ATAD3B: variants seen among roughly 807,000 people sequenced by gnomAD.
The protein encoded by ATAD3B is ATPase family AAA domain containing 3B.
ATAD3B carries 59 observed loss-of-function variants against 70.2 expected under a neutral mutation model. The ratio of observed to expected loss-of-function variants is 0.84; its 90% confidence interval spans 0.68 to 1.04. The LOEUF is 1.04. Among genes scored for constraint, ATAD3B ranks in the 50% least tolerant of loss-of-function variants. ATAD3B has a pLI of 0.00. For synonymous variants in ATAD3B, 423 were observed against 388.6 expected, an observed-to-expected ratio of 1.09 and a Z score of -1.04; for missense variants, 961 against 913.4, an observed-to-expected ratio of 1.05 and a Z score of -0.67.
intron 15 of ATAD3B, among the ~76,000 whole-genome samples, chr1:1,492,561 C>G (rs1007098508): frequency 6.6e-6 from 1 of 151,082 alleles, no homozygotes; most frequent in Admixed American, 6.6e-5. Context: ...TTTGGGAGGC[C>G]GAGGTGTTGG....
downstream of ATAD3B, among the ~76,000 whole-genome samples, chr1:1,499,053 G>C (rs1232882126): frequency 2.7e-5 from 4 of 150,526 alleles, no homozygotes; most frequent in African/African-American, 9.8e-5. Context: ...CTCACTGCAA[G>C]CTCCACCTCC....
downstream of ATAD3B, among the ~76,000 whole-genome samples, chr1:1,499,024 T>G (rs887660984): frequency 3.8e-4 from 57 of 150,188 alleles, no homozygotes; most frequent in Admixed American, 1.7e-3. Context: ...TAGGCTGGAG[T>G]GCAGTGGCGC....
chr1:1,478,718 G>A lies in ATAD3B; in HGVS notation c.357G>A (p.Leu119=). ...RAQAEERRKT[L]SEETRQHQAR... Reference sequence around the variant, plus strand: ...AGGCTGAGGAGAGGAGGAAGACCCTGAGCGAGGAGACCCGGCAGCACCAGG... The same window carrying A: ...AGGCTGAGGAGAGGAGGAAGACCCTAAGCGAGGAGACCCGGCAGCACCAGG... Residue 119 remains leucine (L), a synonymous_variant, in exon 3 of 16, where the codon CTG becomes CTA. Transcript: ENST00000673477. The A allele has an allele frequency of 6.5e-7, 1 of 1,529,876 alleles. No individual in the cohort carries two copies. Among genetic ancestry groups the A allele is most frequent in the Non-Finnish European group, 8.8e-7 (1 of 1,136,382 alleles). The allele number at this position is 1,529,876 out of a possible 1,614,324, so 94.8% of individuals were successfully genotyped here.
the ATAD3B span, chr1:1,509,315 G>A: frequency 8.1e-6 from 13 of 1,612,426 alleles, no homozygotes; most frequent in African/African-American, 1.3e-5. Flanking sequence ...TGAAGAGGGG[G>A]AGGCCTGGGC....
chr1:1,495,558 A>G lies in ATAD3B; in HGVS notation c.1688A>G (p.Gln563Arg). The change falls in exon 16 of 16, where the codon CAG becomes CGG. Residue 563 changes from glutamine (Q) to arginine (R), a missense_variant. Gln to Arg is a conservative substitution (Grantham distance 43, BLOSUM62 1). Coordinates refer to ENST00000673477, the MANE Select transcript of ATAD3B (RefSeq NM_031921.6). ...MMDACVQDAV[Q>R]QYRQKMRWLK... ...GACGCCTGTGTGCAAGATGCTGTCC[A>G]GCAGTACCGACAGAAGATGCGCTGG... 6.2e-7 allele frequency: 1 copy of G among 1,613,202 alleles called. No homozygotes were observed.
chr1:1,486,785 G>T, intron 11 of ATAD3B, 117 bp downstream of exon 11: 3 of 1,484,052 alleles, frequency 2.0e-6, no homozygotes, highest in Non-Finnish European at 2.7e-6. Flanking sequence ...CTGTCCTTGT[G>T]GCCACGCAGG....
At position 1,490,560 on chromosome 1, in the gene ATAD3B, C is replaced by T. The variant is rs561525879; in HGVS notation, c.1506-3C>T. 3 of 1,611,114 alleles carry T rather than the reference C, an allele frequency of 1.9e-6. No homozygotes were observed. Among genetic ancestry groups the T allele is most frequent in the Admixed American group, 1.7e-5 (1 of 59,482 alleles). On this transcript the variant is annotated splice_polypyrimidine_tract_variant and splice_region_variant and intron_variant, in intron 14 of 15. Transcript: ENST00000673477. ...CTGCCTCACTTGGGAACTCCTTCCC[C>T]AGGCGCCTGAAGCTGGCCCAGTTTG...
intron 10 of ATAD3B, 73 bp downstream of exon 10, chr1:1,486,308 T>A (rs1297528868): frequency 1.2e-5 from 19 of 1,607,188 alleles, no homozygotes; most frequent in Non-Finnish European, 1.4e-5. Flanking sequence ...TCTGGGGGCC[T>A]CAGCCGCCTG....
chr1:1,485,921 T>G, intron 9 of ATAD3B, 83 bp downstream of exon 9: 1 of 1,607,608 alleles, frequency 6.2e-7, no homozygotes, highest in South Asian at 1.1e-5. Flanking sequence ...CTAGCGCTCG[T>G]GGTGGCGCCC....
At chr1:1,477,449 T>C in intron 2 of ATAD3B, 99 bp downstream of exon 2, 2 of 1,571,094 alleles carry the variant, frequency 1.3e-6, no homozygotes, top group Non-Finnish European at 1.7e-6. Flanking sequence ...CAGGGGCGTG[T>C]ACATGGGCAG....
At chr1:1,505,212 T>G in the ATAD3B span, among the ~76,000 whole-genome samples, 1 of 152,060 alleles carries the variant, frequency 6.6e-6, no homozygotes, top group South Asian at 2.1e-4. Flanking sequence ...GTGGGTCACG[T>G]GTCCACTGGA....
Position 1,485,769 on chromosome 1 carries a change from T to C in ATAD3B, c.907-13T>C. ...CAGGTGACCCAATGGTGCTTCCCCT[T>C]CCCCTCCGGCAGGTCAGCCGGCGGC... On this transcript the variant is annotated splice_polypyrimidine_tract_variant and intron_variant, in intron 8 of 15. Transcript: ENST00000673477. 6.2e-7 allele frequency: 1 copy of C among 1,612,576 alleles called. No individual in the cohort carries two copies. Among genetic ancestry groups the C allele is most frequent in the Non-Finnish European group, 8.5e-7 (1 of 1,179,264 alleles).
intron 15 of ATAD3B, among the ~76,000 whole-genome samples, chr1:1,492,710 TG>T (rs1640596784): frequency 6.6e-6 from 1 of 151,154 alleles, no homozygotes. Flanking sequence ...GAGGCCGAGG[TG>T]GGCGGATCAC....
downstream of ATAD3B, among the ~76,000 whole-genome samples, chr1:1,499,442 A>C (rs1178736444): frequency 6.7e-6 from 1 of 150,078 alleles, no homozygotes; most frequent in African/African-American, 2.5e-5. Flanking sequence ...ATACCATGTT[A>C]GCCAGGATGG....
chr1:1,485,661 G>T, intron 8 of ATAD3B, 121 bp from the exon 9 acceptor site: 3 of 1,477,562 alleles, frequency 2.0e-6, no homozygotes, highest in Non-Finnish European at 2.8e-6. Context: ...GCTCCGGGCC[G>T]GTCCTGGCTG....
At position 1,482,154 on chromosome 1, in the gene ATAD3B, G is replaced by A. The variant is rs751594158; in HGVS notation, c.531G>A (p.Glu177=). Residue 177 remains glutamate (E), a synonymous_variant, in exon 6 of 16, where the codon GAG becomes GAA. Transcript: ENST00000673477. Reference sequence around the variant, plus strand: ...CTGGGGCAGCCACCGTGGAGCGGGAGATGGAGCTGCGGCACAAGAATGAGA... The same window carrying A: ...CTGGGGCAGCCACCGTGGAGCGGGAAATGGAGCTGCGGCACAAGAATGAGA... ...EAMRRATVER[E]MELRHKNEML... is the part of the protein sequence containing the mutation. 2.1e-5 allele frequency: 33 copies of A among 1,609,618 alleles called. No individual in the cohort carries two copies. Among genetic ancestry groups the A allele is most frequent in the Admixed American group, 5.0e-5 (3 of 59,712 alleles).
At chr1:1,479,407 C>A (rs1305258681) in intron 4 of ATAD3B, among the ~76,000 whole-genome samples, 1 of 145,802 alleles carries the variant, frequency 6.9e-6, no homozygotes, top group African/African-American at 2.6e-5. Flanking sequence ...CACACACACA[C>A]CCCTGCACAC....
chr1:1,495,228 G>A (rs1211579405), intron 15 of ATAD3B, among the ~76,000 whole-genome samples: 3 of 151,974 alleles, frequency 2.0e-5, no homozygotes, highest in African/African-American at 4.8e-5. Flanking sequence ...GTGGTGCTCC[G>A]CCTTGGGTTT....
At chr1:1,499,944 G>C (rs1188709471), downstream of ATAD3B, among the ~76,000 whole-genome samples, 1 of 143,476 alleles carries the variant, frequency 7.0e-6, no homozygotes, top group African/African-American at 2.6e-5. Context: ...GCCCAGGCTG[G>C]AGTCGTCCAG....
Sources: allele counts gnomAD v4.1 joint callset (sites outside exome capture counted in the v4.1 genomes callset), GRCh38; gene constraint gnomAD v4.1.1; transcripts MANE v1.5; gene names NCBI Gene and HGNC (gene_info 2026-07-23, HGNC 2026-07-21).